The following URGCP variants were observed in gnomAD, a reference collection of about 807,000 sequenced individuals.
The protein encoded by URGCP is up-regulator of cell proliferation.
A neutral mutation model predicts 24.6 loss-of-function variants in URGCP; 13 were observed. The ratio of observed to expected loss-of-function variants is 0.53; its 90% confidence interval spans 0.34 to 0.84. URGCP has a LOEUF of 0.84. Ranked by LOEUF, URGCP falls within the 40% of genes least tolerant of loss-of-function variation. The probability of loss-of-function intolerance (pLI) is 0.01; values close to 1 mark genes in which losing one functional copy is unlikely to be tolerated. For synonymous variants in URGCP, 444 were observed against 487.2 expected, an observed-to-expected ratio of 0.91 and a Z score of 1.17; for missense variants, 899 against 1,194.3, an observed-to-expected ratio of 0.75 and a Z score of 3.64.
At chr7:43,897,411 T>C (rs1209446370) in intron 1 of URGCP, among the ~76,000 whole-genome samples, 1 of 151,962 alleles carries the variant, frequency 6.6e-6, no homozygotes, top group Non-Finnish European at 1.5e-5. Flanking sequence ...AGGGGAAGAC[T>C]GCCGCAGGCA....
intron 1 of URGCP, chr7:43,920,075 G>A: frequency 1.6e-6 from 2 of 1,258,230 alleles, no homozygotes; most frequent in Non-Finnish European, 2.3e-6. Context: ...CTAGGACAGG[G>A]ACCCTCATCT....
At chr7:43,883,338 A>ATT (rs2132658881) in intron 3 of URGCP, among the ~76,000 whole-genome samples, 1 of 98,714 alleles carries the variant, frequency 1.0e-5, no homozygotes, top group African/African-American at 4.1e-5. Flanking sequence ...ATATATATAC[A>ATT]TATATATATA....
intron 3 of URGCP, among the ~76,000 whole-genome samples, chr7:43,883,582 C>T (rs1400665003): frequency 5.3e-5 from 8 of 151,722 alleles, no homozygotes; most frequent in African/African-American, 1.7e-4. Flanking sequence ...AGGATGGTCT[C>T]GATCTCCTGA....
At chr7:43,918,101 C>T (rs532320703) in intron 1 of URGCP, among the ~76,000 whole-genome samples, 2 of 151,952 alleles carry the variant, frequency 1.3e-5, no homozygotes, top group South Asian at 2.1e-4. Flanking sequence ...TGGCGAAACC[C>T]TGTCTCTACT....
At chr7:43,893,745 C>T (rs1290599416) in intron 1 of URGCP, among the ~76,000 whole-genome samples, 1 of 152,188 alleles carries the variant, frequency 6.6e-6, no homozygotes, top group East Asian at 1.9e-4. Flanking sequence ...ATGGCACATG[C>T]CTGTAATCCC....
intron 1 of URGCP, among the ~76,000 whole-genome samples, chr7:43,899,569 T>TA (rs2095885895): frequency 1.3e-5 from 2 of 151,938 alleles, no homozygotes; most frequent in African/African-American, 2.4e-5. Context: ...TTCCAGAAAA[T>TA]AGAACATAAT....
chr7:43,881,616 C>T (rs1263435128), intron 5 of URGCP, 43 bp downstream of exon 5: 3 of 1,613,342 alleles, frequency 1.9e-6, no homozygotes, highest in Non-Finnish European at 8.5e-7. Flanking sequence ...AGATGATAAC[C>T]CCCTTTCATA....
chr7:43,912,365 G>A (rs1230441857), intron 1 of URGCP, among the ~76,000 whole-genome samples: 1 of 152,154 alleles, frequency 6.6e-6, no homozygotes, highest in Non-Finnish European at 1.5e-5. Context: ...CAGGCGTGGT[G>A]GCGCACGCCT....
At chr7:43,899,415 G>A (rs910741154) in intron 1 of URGCP, among the ~76,000 whole-genome samples, 2 of 150,604 alleles carry the variant, frequency 1.3e-5, no homozygotes, top group Non-Finnish European at 3.0e-5. Context: ...TACCATGCCT[G>A]GCCTTTAATA....
At chr7:43,922,987 C>T (rs1014079070) in intron 1 of URGCP, among the ~76,000 whole-genome samples, 1 of 149,090 alleles carries the variant, frequency 6.7e-6, no homozygotes, top group African/African-American at 2.5e-5. Context: ...CTCTTACTTT[C>T]TTTCTTTCTT....
chr7:43,898,378 C>G (rs566165624), intron 1 of URGCP, among the ~76,000 whole-genome samples: 17 of 152,256 alleles, frequency 1.1e-4, no homozygotes, highest in African/African-American at 4.1e-4. Context: ...TTTGTAGTAG[C>G]AACAAGAAAA....
chr7:43,904,962 T>C (rs2095898335), intron 1 of URGCP, among the ~76,000 whole-genome samples: 2 of 152,218 alleles, frequency 1.3e-5, no homozygotes, highest in African/African-American at 2.4e-5. Context: ...ATGACTTGTA[T>C]ACTAAAGGTT....
chr7:43,915,188 C>G (rs1481430057), intron 1 of URGCP, among the ~76,000 whole-genome samples: 2 of 152,082 alleles, frequency 1.3e-5, no homozygotes, highest in African/African-American at 4.8e-5. Flanking sequence ...TGTCTGTGTG[C>G]CTAATTTTTC....
At chr7:43,907,775 A>G (rs549457407), upstream of URGCP, among the ~76,000 whole-genome samples, 4 of 152,338 alleles carry the variant, frequency 2.6e-5, no homozygotes, top group East Asian at 5.8e-4. Flanking sequence ...ATTTGTAACT[A>G]TTTTTAAATG....
At position 43,879,169 on chromosome 7, in the gene URGCP, G is replaced by T; in HGVS notation, c.294C>A (p.Ile98=). 6.2e-7 allele frequency: 1 copy of T among 1,614,084 alleles called. No individual in the cohort carries two copies. The highest frequency in any genetic ancestry group is 8.5e-7 in the Non-Finnish European group (1 of 1,180,038). The change falls in exon 6 of 6, where the codon ATC becomes ATA. Residue 98 remains isoleucine, a synonymous_variant. Coordinates refer to ENST00000453200, the MANE Select transcript of URGCP (RefSeq NM_001077663.3). The part of the protein sequence containing the change: ...QKLSLQDSLQ[I]SFDSMKNWAP... ...CCCAGTTCTTCATACTGTCAAAACTGATCTGCAGAGAGTCCTGGAGGCTGA... is the reference window on the plus strand; with the variant it reads ...CCCAGTTCTTCATACTGTCAAAACTTATCTGCAGAGAGTCCTGGAGGCTGA...
intron 1 of URGCP, among the ~76,000 whole-genome samples, chr7:43,913,748 G>A (rs1337105678): frequency 6.6e-6 from 1 of 151,986 alleles, no homozygotes; most frequent in Non-Finnish European, 1.5e-5. Flanking sequence ...GCCCAGGCTG[G>A]AGTGCAGTGG....
chr7:43,892,051 G>A (rs889302742), intron 1 of URGCP, among the ~76,000 whole-genome samples: 3 of 152,104 alleles, frequency 2.0e-5, no homozygotes, highest in Admixed American at 6.6e-5. Flanking sequence ...AAAGTGCTGG[G>A]ATTACAGGTA....
At chr7:43,905,775 G>C (rs1424976938) in intron 1 of URGCP, 1 of 152,134 alleles carries the variant, frequency 6.6e-6, no homozygotes, top group Admixed American at 6.5e-5. Flanking sequence ...GTGTTGGACT[G>C]TCATTCCCAA....
At chr7:43,891,770 AC>A (rs2095871083) in intron 1 of URGCP, among the ~76,000 whole-genome samples, 1 of 151,774 alleles carries the variant, frequency 6.6e-6, no homozygotes, top group African/African-American at 2.4e-5. Flanking sequence ...ATGCGCTACC[AC>A]ACCTGGCTAC....
Sources: gnomAD v4.1 joint callset for allele counts (sites outside exome capture counted in the v4.1 genomes callset) on GRCh38, gnomAD v4.1.1 for gene constraint, MANE v1.5 for transcripts, NCBI Gene and HGNC (gene_info 2026-07-23, HGNC 2026-07-21) for gene names.